Variants in CDKN2B-AS1 observed in about 807,000 individuals in gnomAD.
CDKN2B-AS1 encodes the protein CDKN2B antisense RNA 1 (non-protein coding).
chr9:22,014,839 T>C lies in CDKN2B-AS1; in HGVS notation n.29+19678T>C, dbSNP rs565106414. Reference sequence around the variant, plus strand: ...GTGTTCTCATTGTTCAATTCCCATCTATGAGTGAGAACATGGCGGTGTTTG... The same window carrying C: ...GTGTTCTCATTGTTCAATTCCCATCCATGAGTGAGAACATGGCGGTGTTTG... On this transcript the variant is annotated intron_variant and non_coding_transcript_variant, in intron 1 of 4. Coordinates refer to ENST00000650946, the Ensembl canonical transcript of CDKN2B-AS1. 2.0e-3 allele frequency among the ~76,000 whole-genome samples: 287 copies of C among 146,308 alleles called. 1 individual carries two copies. Among genetic ancestry groups the C allele is most frequent in the African/African-American group, 6.9e-3 (277 of 40,062 alleles).
intron 4 of CDKN2B-AS1, among the ~76,000 whole-genome samples, chr9:22,102,727 T>C (rs1825527061): frequency 6.6e-6 from 1 of 152,152 alleles, no homozygotes; most frequent in Non-Finnish European, 1.5e-5. Flanking sequence ...CTAATTACCT[T>C]AGAGTTAAGA....
At chr9:22,045,306 GT>G (rs1407997070) in intron 1 of CDKN2B-AS1, among the ~76,000 whole-genome samples, 3 of 151,902 alleles carry the variant, frequency 2.0e-5, no homozygotes, top group Admixed American at 1.3e-4. Flanking sequence ...AATAATCACT[GT>G]TTTGAATTTG....
In CDKN2B-AS1 at chr9:21,997,478, A is replaced by AGG. The variant is rs61202796; in HGVS notation, n.29+2319_29+2320dup. ...ATATGTGGGGGAGAGAAAGAGAGGG[A>AGG]GGGAGAGAGAGAGAGAGAGAGAGAG... On this transcript the variant is annotated intron_variant and non_coding_transcript_variant, in intron 1 of 4. Transcript: ENST00000650946. This position sits in a 1 kb window ranked among gnomAD's most constrained non-coding sequence, Gnocchi z 4.8. Among the ~76,000 whole-genome samples, 9 of 135,966 alleles carry AGG rather than the reference A, an allele frequency of 6.6e-5. 1 individual carries two copies. The East Asian group carries it at 1.2e-3, about 19-fold the overall frequency. 89.2% of individuals were successfully genotyped at this position (135,966 alleles called of 152,430 possible). A position where few individuals can be genotyped will look rare whatever the true frequency, so the allele number is the denominator to read the frequency against.
At chr9:22,113,595 A>T (rs893471299) in intron 4 of CDKN2B-AS1, 1 of 152,244 alleles carries the variant, frequency 6.6e-6, no homozygotes, top group East Asian at 1.9e-4. Flanking sequence ...ATATTTGCTA[A>T]ATCTCCCAAG....
At chr9:22,075,202 T>C (rs1171634171) in intron 4 of CDKN2B-AS1, among the ~76,000 whole-genome samples, 9 of 152,340 alleles carry the variant, frequency 5.9e-5, no homozygotes, top group African/African-American at 1.9e-4. Flanking sequence ...TGCAATGTTA[T>C]AGACTCTAGG....
chr9:22,010,657 C>T (rs1313690070), intron 1 of CDKN2B-AS1, among the ~76,000 whole-genome samples: 1 of 152,208 alleles, frequency 6.6e-6, no homozygotes, highest in African/African-American at 2.4e-5. Context: ...AGAGCCTCAA[C>T]AGAGCTGAAA....
intron 1 of CDKN2B-AS1, chr9:22,029,395 C>T (rs979160026): frequency 1.3e-6 from 1 of 778,856 alleles, no homozygotes; most frequent in Non-Finnish European, 2.4e-6. Context: ...CACATAGAGA[C>T]TTGTCTGACA....
chr9:22,108,383 T>C (rs1825713099), intron 4 of CDKN2B-AS1, among the ~76,000 whole-genome samples: 1 of 152,192 alleles, frequency 6.6e-6, no homozygotes, highest in African/African-American at 2.4e-5. Context: ...CATTGCTTGG[T>C]CATTCAATAA....
intron 4 of CDKN2B-AS1, among the ~76,000 whole-genome samples, chr9:22,101,763 G>A (rs969729945): frequency 2.7e-5 from 4 of 150,858 alleles, no homozygotes; most frequent in Non-Finnish European, 4.4e-5. Context: ...AAACTAAGAA[G>A]AGAGGCCTAG....
intron 4 of CDKN2B-AS1, among the ~76,000 whole-genome samples, chr9:22,111,510 T>G (rs1825803393): frequency 6.6e-6 from 1 of 152,176 alleles, no homozygotes; most frequent in South Asian, 2.1e-4. Context: ...AGTTCATACT[T>G]GGCACTACTA....
rs1398305627 is a variant in CDKN2B-AS1 at position 22,006,547 on chromosome 9, T to G, written n.29+11386T>G. 6.6e-6 allele frequency among the ~76,000 whole-genome samples: 1 copy of G among 152,220 alleles called. No homozygotes were observed. The highest frequency in any genetic ancestry group is 1.5e-5 in the Non-Finnish European group (1 of 68,038). ...TCATTATGGAAAAACAAATCTTGATTTCCATTGGAACATGGGAATCTATTT... is the reference window on the plus strand; with the variant it reads ...TCATTATGGAAAAACAAATCTTGATGTCCATTGGAACATGGGAATCTATTT... On this transcript the variant is annotated intron_variant and non_coding_transcript_variant, in intron 1 of 4. Coordinates refer to ENST00000650946, the Ensembl canonical transcript of CDKN2B-AS1. The surrounding 1 kb of genome is among the most constrained non-coding windows in gnomAD (Gnocchi z 6.4).
chr9:22,061,867 T>G (rs1823835925), intron 4 of CDKN2B-AS1: 1 of 152,128 alleles, frequency 6.6e-6, no homozygotes, highest in South Asian at 2.1e-4. Flanking sequence ...TATATACACT[T>G]ATATATGTAT....
chr9:22,109,056 C>A (rs985975879), intron 4 of CDKN2B-AS1, among the ~76,000 whole-genome samples: 2 of 152,116 alleles, frequency 1.3e-5, no homozygotes, highest in African/African-American at 2.4e-5. Context: ...AAGAAAAATT[C>A]TCTTAGGGAC....
intron 4 of CDKN2B-AS1, among the ~76,000 whole-genome samples, chr9:22,060,195 G>A (rs957354460): frequency 1.3e-5 from 2 of 152,164 alleles, no homozygotes; most frequent in Non-Finnish European, 2.9e-5. Context: ...GCATAGTCAG[G>A]CTGCAAATTT....
chr9:22,040,642 C>A (rs759251157), intron 1 of CDKN2B-AS1, among the ~76,000 whole-genome samples: 13 of 151,952 alleles, frequency 8.6e-5, no homozygotes, highest in Non-Finnish European at 1.6e-4. Context: ...CTGAGTTAGT[C>A]CAGTTTAGGC....
intron 4 of CDKN2B-AS1, among the ~76,000 whole-genome samples, chr9:22,123,350 C>T (rs917622732): frequency 2.6e-5 from 4 of 152,094 alleles, no homozygotes; most frequent in Non-Finnish European, 4.4e-5. Flanking sequence ...ATTTCTTTGT[C>T]TTGCCTAGTT....
Position 22,067,220 on chromosome 9 carries a change from C to T in CDKN2B-AS1, n.438+10833C>T, listed in dbSNP as rs150544875. Among the ~76,000 whole-genome samples, 1,376 of 151,682 alleles carry T rather than the reference C, an allele frequency of 9.1e-3. 15 individuals carry two copies. The highest frequency in any genetic ancestry group is 0.016 in the Non-Finnish European group (1,073 of 67,858). ...CTAGAACTTAAAGTATAATAATAAA[C>T]AAAAAAAACCACTGCACAATCTCTA... On this transcript the variant is annotated intron_variant and non_coding_transcript_variant, in intron 4 of 4. Transcript: ENST00000650946.
At chr9:22,075,893 G>A (rs1824472426) in intron 4 of CDKN2B-AS1, among the ~76,000 whole-genome samples, 1 of 152,062 alleles carries the variant, frequency 6.6e-6, no homozygotes, top group African/African-American at 2.4e-5. Flanking sequence ...TTCTAAGAAT[G>A]GGGGCTCTGC....
intron 1 of CDKN2B-AS1, among the ~76,000 whole-genome samples, chr9:22,026,810 G>T (rs897384036): frequency 2.0e-5 from 3 of 152,186 alleles, no homozygotes; most frequent in Non-Finnish European, 4.4e-5. Context: ...GCTCTGCTGA[G>T]ACTCCACGTG....
Sources: gnomAD v4.1 joint callset for allele counts (sites outside exome capture counted in the v4.1 genomes callset) on GRCh38, gnomAD v4.1.1 for gene constraint, Gnocchi (gnomAD v3.1) non-coding constraint, MANE v1.5 for transcripts, NCBI Gene and HGNC (gene_info 2026-07-23, HGNC 2026-07-21) for gene names.